SPART: variants seen among roughly 807,000 people sequenced by gnomAD.
SPART encodes spartin.
SPART carries 35 observed loss-of-function variants against 58.7 expected under a neutral mutation model. The ratio of observed to expected loss-of-function variants is 0.60; its 90% CI spans 0.46 to 0.79. SPART has a LOEUF of 0.79. SPART is among the 30% of genes least tolerant of loss of function. The probability of loss-of-function intolerance (pLI) is 0.00; values close to 1 mark genes in which losing one functional copy is unlikely to be tolerated. For missense variants in SPART, 730 were observed against 786.1 expected (o/e 0.93, Z 0.85); for synonymous variants, 284 against 280.7 (o/e 1.01, Z -0.12).
At chr13:36,360,889 G>T (rs776248759) in intron 1 of SPART, 3 of 152,480 alleles carry the variant, frequency 2.0e-5, no homozygotes, top group Non-Finnish European at 4.4e-5. Flanking sequence ...TACCTCCATA[G>T]ACAAAGAACC....
At position 36,310,712 on chromosome 13, in the gene SPART, G is replaced by A. The variant is rs9575894; in HGVS notation, c.1733+1433C>T. Among the ~76,000 whole-genome samples the A allele has an allele frequency of 0.011, 1,715 of 152,186 alleles. 76 individuals are homozygous for A. In the East Asian group the frequency reaches 0.14, roughly 13 times the overall value. On this transcript the variant is annotated intron_variant, in intron 8 of 8. Transcript: ENST00000438666. ...AACACTAGAGTCATGTAAAACTAGA[G>A]CCATGTAAATGTTCCCCTGTTCACA... is the stretch of plus-strand genomic sequence containing the variant.
chr13:36,352,430 G>T (rs1202760899), intron 1 of SPART, among the ~76,000 whole-genome samples: 2 of 152,114 alleles, frequency 1.3e-5, no homozygotes, highest in African/African-American at 4.8e-5. Context: ...TAACAGAGTG[G>T]TGGAGTGGGA....
chr13:36,315,482 CA>C (rs1881596505), intron 5 of SPART, among the ~76,000 whole-genome samples: 1 of 152,148 alleles, frequency 6.6e-6, no homozygotes, highest in Non-Finnish European at 1.5e-5. Context: ...AAGCATCCAG[CA>C]ATCATGTGAA....
In SPART at chr13:36,312,144, C is replaced by T; in HGVS notation, c.1733+1G>A. 6.2e-7 allele frequency: 1 copy of T among 1,611,874 alleles called. No individual in the cohort carries two copies. Among genetic ancestry groups the T allele is most frequent in the South Asian group, 1.1e-5 (1 of 91,026 alleles). On this transcript the variant is annotated splice_donor_variant, in intron 8 of 8. Coordinates refer to ENST00000438666, the MANE Select transcript of SPART (RefSeq NM_015087.5). LOFTEE classifies it high-confidence loss of function. ...AGTCATTAAAATAAAATTCAACTTA[C>T]TTGTATCTGACAGTTTGTACAGTTT...
At chr13:36,312,692 C>T (rs1881259920) in intron 6 of SPART, 2 of 586,252 alleles carry the variant, frequency 3.4e-6, no homozygotes, top group Non-Finnish European at 6.0e-6. Flanking sequence ...ATCCTCCTGC[C>T]TCTGCCTCCT....
chr13:36,356,841 A>G (rs1009924317), intron 1 of SPART, among the ~76,000 whole-genome samples: 7 of 152,238 alleles, frequency 4.6e-5, no homozygotes, highest in Non-Finnish European at 1.0e-4. Context: ...GGGAGGATAC[A>G]TGGAAGTTAG....
At chr13:36,370,013 A>G (rs1886210190) in intron 1 of SPART, 1 of 152,250 alleles carries the variant, frequency 6.6e-6, no homozygotes, top group Non-Finnish European at 1.5e-5. Flanking sequence ...ACCTTCTGAA[A>G]GAAGGAGGGT....
In SPART at chr13:36,355,865, G is replaced by T. The variant is rs535244581; in HGVS notation, c.-3+14224C>A. Among the ~76,000 whole-genome samples, 3 of 152,048 alleles carry T rather than the reference G, an allele frequency of 2.0e-5. No homozygotes were observed. The South Asian group carries it at 6.2e-4, about 32-fold the overall frequency. On this transcript the variant is annotated intron_variant, in intron 1 of 8. Coordinates refer to the SPART transcript ENST00000355182. ...CAAAAAAAACCCCACAATTACCTTTGCACTAACGTAATAGCTCCTTGGCAT... is the reference window on the plus strand; with the variant it reads ...CAAAAAAAACCCCACAATTACCTTTTCACTAACGTAATAGCTCCTTGGCAT...
intron 1 of SPART, chr13:36,365,459 C>T: frequency 3.5e-5 from 12 of 344,382 alleles, no homozygotes; most frequent in Admixed American, 8.3e-5. Flanking sequence ...GACTTTTCTC[C>T]AAAATGTTTT....
intron 2 of SPART, among the ~76,000 whole-genome samples, chr13:36,334,033 CA>C (rs1883720145): frequency 6.6e-6 from 1 of 152,112 alleles, no homozygotes; most frequent in African/African-American, 2.4e-5. Flanking sequence ...GAGAGAATAC[CA>C]AAAGAGAAAA....
chr13:36,335,070 A>C lies in SPART; in HGVS notation c.761T>G (p.Leu254Trp), dbSNP rs1383674121. Residue 254 changes from leucine to tryptophan, a missense_variant, in exon 2 of 9, where the codon TTG (leucine) becomes TGG (tryptophan). Leu to Trp is a moderately conservative substitution (Grantham distance 61, BLOSUM62 -2). Transcript: ENST00000438666. The stretch of plus-strand genomic sequence containing the variant: ...TAGAACCGTATCGAGAGAATTATCC[A>C]AAAACCTCACAATTCGAAGGTACCC... ...YPGYLRIVRF[L>W]DNSLDTVLNR... 6.2e-7 allele frequency: 1 copy of C among 1,614,150 alleles called. No individual in the cohort carries two copies. Among genetic ancestry groups the C allele is most frequent in the South Asian group, 1.1e-5 (1 of 91,084 alleles).
chr13:36,313,180 A>G (rs910573402), intron 6 of SPART, among the ~76,000 whole-genome samples: 12 of 152,040 alleles, frequency 7.9e-5, no homozygotes, highest in African/African-American at 2.9e-4. Context: ...CAAACAACAG[A>G]TCCCTCCCTC....
At chr13:36,369,342 T>C (rs1204965242) in intron 1 of SPART, 6 of 152,196 alleles carry the variant, frequency 3.9e-5, no homozygotes, top group Non-Finnish European at 7.3e-5. Flanking sequence ...TAATCGTATA[T>C]AGCGATCTTA....
At chr13:36,329,335 A>G (rs780573003) in intron 4 of SPART, 27 bp downstream of exon 4, 8 of 1,612,646 alleles carry the variant, frequency 5.0e-6, no homozygotes, top group Non-Finnish European at 5.9e-6. Flanking sequence ...AGAAGACAAC[A>G]CACACACTTA....
chr13:36,313,857 A>G (rs1204359083), intron 6 of SPART: 1 of 277,794 alleles, frequency 3.6e-6, no homozygotes, highest in South Asian at 4.0e-5. Flanking sequence ...TAAACAATAC[A>G]TGACTTTACA....
intron 1 of SPART, among the ~76,000 whole-genome samples, chr13:36,363,760 G>GTT (rs138489307): frequency 0.012 from 1,800 of 150,024 alleles, 11 homozygotes; most frequent in African/African-American, 0.022. Flanking sequence ...CAGCCTGTTG[G>GTT]TTTTTTTTGT....
chr13:36,329,640 T>A, intron 3 of SPART, 123 bp from the exon 4 acceptor site: 1 of 1,006,238 alleles, frequency 9.9e-7, no homozygotes, highest in Non-Finnish European at 1.5e-6. Context: ...AGTCTATCAG[T>A]AACAACTACT....
intron 8 of SPART, among the ~76,000 whole-genome samples, chr13:36,311,512 T>G (rs945507171): frequency 2.0e-5 from 3 of 152,182 alleles, no homozygotes; most frequent in Non-Finnish European, 4.4e-5. Flanking sequence ...TAATTATAAT[T>G]CAAGTTTTTT....
At chr13:36,360,881 C>A (rs1885831222) in intron 1 of SPART, 1 of 152,528 alleles carries the variant, frequency 6.6e-6, no homozygotes, top group Non-Finnish European at 1.5e-5. Context: ...TCTTTTAATA[C>A]CTCCATAGAC....
Sources: allele counts gnomAD v4.1 joint callset (sites outside exome capture counted in the v4.1 genomes callset), GRCh38; gene constraint gnomAD v4.1.1; transcripts MANE v1.5; gene names NCBI Gene and HGNC (gene_info 2026-07-23, HGNC 2026-07-21).